Variants in CA1 observed in about 807,000 individuals in gnomAD.
CA1 encodes the protein carbonic anhydrase 1.
In CA1, 27 loss-of-function variants were observed where a neutral mutation model predicts 28.8. That is an observed-to-expected ratio of 0.94 (90% CI 0.69 to 1.29). The LOEUF (loss-of-function observed/expected upper bound fraction) is 1.29, where lower values mean the gene tolerates loss of function less well. Ranked by LOEUF, CA1 falls within the 50% of genes most tolerant of loss-of-function variation. The pLI, the probability that CA1 is intolerant of heterozygous loss-of-function variation, is 0.00. For synonymous variants in CA1, 121 were observed against 108.8 expected (o/e 1.11, Z -0.70); for missense variants, 335 against 310.5 (o/e 1.08, Z -0.59).
At chr8:85,329,567 G>A in intron 7 of CA1, 122 bp downstream of exon 7, 1 of 865,192 alleles carries the variant, frequency 1.2e-6, no homozygotes, top group Non-Finnish European at 1.9e-6. Flanking sequence ...ATATTTTTAA[G>A]TTGGGAGGAA....
intron 1 of CA1, among the ~76,000 whole-genome samples, chr8:85,344,987 G>T (rs1400457987): frequency 1.3e-5 from 2 of 152,156 alleles, no homozygotes. Context: ...ATTTGGGGTG[G>T]CAAGATAAAT....
chr8:85,376,189 GGT>G (rs1810408988), intron 1 of CA1, among the ~76,000 whole-genome samples: 1 of 152,012 alleles, frequency 6.6e-6, no homozygotes, highest in South Asian at 2.1e-4. Context: ...AAATTGGCCG[GGT>G]GTGGTAGCGC....
Position 85,329,860 on chromosome 8 carries a change from A to G in CA1, c.514-16T>C. The stretch of plus-strand genomic sequence containing the variant: ...CTCGTTTGCCCTGGAAGAAAAGAAT[A>G]CATCATTACAGCATGATATAAAATA... On this transcript the variant is annotated splice_polypyrimidine_tract_variant and intron_variant, in intron 6 of 7. Transcript: ENST00000523022. 6.4e-7 allele frequency: 1 copy of G among 1,560,278 alleles called. No individual in the cohort carries two copies. The highest frequency in any genetic ancestry group is 1.4e-5 in the African/African-American group (1 of 73,582).
At position 85,348,614 on chromosome 8, in the gene CA1, G is replaced by A. The variant is rs190708577; in HGVS notation, c.-24-6955C>T. Among the ~76,000 whole-genome samples, 598 of 152,252 alleles carry A rather than the reference G, an allele frequency of 3.9e-3. 1 individual carries two copies. The highest frequency in any genetic ancestry group is 6.5e-3 in the Non-Finnish European group (441 of 68,006). On this transcript the variant is annotated intron_variant, in intron 1 of 7. Transcript: ENST00000523022. Reference sequence around the variant, plus strand: ...AAAAGAGTAAACAAAGACATGTAACGAGGATGAAGTAGTATCTACAACGTT... The same window carrying A: ...AAAAGAGTAAACAAAGACATGTAACAAGGATGAAGTAGTATCTACAACGTT...
intron 1 of CA1, among the ~76,000 whole-genome samples, chr8:85,357,635 C>G (rs1809651616): frequency 6.6e-6 from 1 of 152,180 alleles, no homozygotes; most frequent in East Asian, 1.9e-4. Context: ...TATATGAATT[C>G]CAGCAGACTT....
chr8:85,352,215 A>G (rs1017415416), intron 1 of CA1, among the ~76,000 whole-genome samples: 1 of 152,152 alleles, frequency 6.6e-6, no homozygotes, highest in African/African-American at 2.4e-5. Flanking sequence ...TCAATGATCC[A>G]TGGCTTCTTA....
At chr8:85,340,052 T>A (rs1367580841) in intron 2 of CA1, among the ~76,000 whole-genome samples, 3 of 152,292 alleles carry the variant, frequency 2.0e-5, no homozygotes, top group Admixed American at 6.5e-5. Context: ...CTAGCTAAGA[T>A]AACCAATGAA....
intron 2 of CA1, among the ~76,000 whole-genome samples, chr8:85,339,771 A>G (rs960934615): frequency 6.6e-6 from 1 of 152,346 alleles, no homozygotes; most frequent in African/African-American, 2.4e-5. Flanking sequence ...AAGCAGCATT[A>G]TTGCTGATAT....
chr8:85,356,953 CAT>C (rs1323620556), intron 1 of CA1, among the ~76,000 whole-genome samples: 2 of 152,182 alleles, frequency 1.3e-5, no homozygotes, highest in African/African-American at 2.4e-5. Context: ...CCTGGGGCCA[CAT>C]GTGTTTCAGA....
At chr8:85,368,987 C>T (rs1448511221) in intron 1 of CA1, among the ~76,000 whole-genome samples, 1 of 152,008 alleles carries the variant, frequency 6.6e-6, no homozygotes, top group Non-Finnish European at 1.5e-5. Flanking sequence ...AAAAGCTTCC[C>T]TTGCAGTTTG....
chr8:85,351,848 G>C (rs1809424863), intron 1 of CA1: 1 of 152,170 alleles, frequency 6.6e-6, no homozygotes, highest in African/African-American at 2.4e-5. Flanking sequence ...TAATGCAAAG[G>C]TCGATGATTA....
At chr8:85,371,470 A>G (rs897917399) in intron 1 of CA1, among the ~76,000 whole-genome samples, 1 of 152,078 alleles carries the variant, frequency 6.6e-6, no homozygotes, top group Non-Finnish European at 1.5e-5. Context: ...CATGAATCCT[A>G]AGGCAACCCC....
intron 1 of CA1, among the ~76,000 whole-genome samples, chr8:85,357,449 G>A (rs1204066663): frequency 6.6e-6 from 1 of 152,186 alleles, no homozygotes; most frequent in Admixed American, 6.5e-5. Context: ...TACCTTGCAG[G>A]ATTGTGGCGA....
At chr8:85,347,890 T>C (rs2130267287) in intron 1 of CA1, among the ~76,000 whole-genome samples, 1 of 152,310 alleles carries the variant, frequency 6.6e-6, no homozygotes, top group South Asian at 2.1e-4. Context: ...ATTAGGACAC[T>C]ATCAAGCATT....
At chr8:85,338,630 CT>C (rs1334575963) in intron 2 of CA1, among the ~76,000 whole-genome samples, 181 bp from the exon 3 acceptor site, 1 of 110,932 alleles carries the variant, frequency 9.0e-6, no homozygotes, top group Non-Finnish European at 1.9e-5. Context: ...TTCTTTCCTT[CT>C]TTTTCTTTCT....
chr8:85,337,234 A>G (rs1443309794), intron 3 of CA1, 171 bp from the exon 4 acceptor site: 6 of 647,802 alleles, frequency 9.3e-6, no homozygotes, highest in Non-Finnish European at 1.7e-5. Context: ...AGTCATATGT[A>G]TGGTGCACCC....
At chr8:85,338,788 A>G (rs1222311751) in intron 2 of CA1, among the ~76,000 whole-genome samples, 1 of 141,550 alleles carries the variant, frequency 7.1e-6, no homozygotes, top group African/African-American at 2.7e-5. Context: ...CTCTTGGCTC[A>G]CTGCAACCTC....
chr8:85,353,540 A>G lies in CA1; in HGVS notation c.-24-11881T>C, dbSNP rs540446759. ...ACTGTATACGCTTTTTTTGTCCCTT[A>G]CTTTTTCCCCTTAATACATTAGAAT... On this transcript the variant is annotated intron_variant, in intron 1 of 7. Transcript: ENST00000523022. Among the ~76,000 whole-genome samples, 8 of 152,334 alleles carry G rather than the reference A, an allele frequency of 5.3e-5. No individual in the cohort carries two copies. The South Asian group carries it at 1.7e-3, about 32-fold the overall frequency.
At chr8:85,331,448 A>G (rs1443693620) in intron 6 of CA1, among the ~76,000 whole-genome samples, 1 of 151,034 alleles carries the variant, frequency 6.6e-6, no homozygotes, top group Non-Finnish European at 1.5e-5. Flanking sequence ...TTTTCTTTTC[A>G]AAATTTATTT....
Sources: allele counts gnomAD v4.1 joint callset (sites outside exome capture counted in the v4.1 genomes callset), GRCh38; gene constraint gnomAD v4.1.1; transcripts MANE v1.5; gene names NCBI Gene and HGNC (gene_info 2026-07-23, HGNC 2026-07-21).